Variants in ZFHX3 observed in about 807,000 individuals in gnomAD.
ZFHX3 encodes zinc finger homeobox 3, also known as zinc finger homeobox protein 3.
In ZFHX3, 42 loss-of-function variants were observed where a neutral mutation model predicts 279.1. That is an observed-to-expected ratio of 0.15 (90% CI 0.12 to 0.19). The LOEUF is 0.19. Ranked by LOEUF, ZFHX3 falls within the 10% of genes least tolerant of loss-of-function variation. The probability of loss-of-function intolerance (pLI) is 1.00; values close to 1 mark genes in which losing one functional copy is unlikely to be tolerated. For synonymous variants in ZFHX3, 2,293 were observed against 1,957.8 expected, an observed-to-expected ratio of 1.17 and a Z score of -4.52; for missense variants, 4,981 against 4,754.0, an observed-to-expected ratio of 1.05 and a Z score of -1.40.
chr16:72,803,710 C>T (rs1005618349), intron 7 of ZFHX3, among the ~76,000 whole-genome samples: 5 of 152,276 alleles, frequency 3.3e-5, no homozygotes, highest in South Asian at 4.2e-4. Flanking sequence ...TTGATTATTC[C>T]GATAATCCAT....
chr16:73,398,853 G>C (rs2017186185), intron 3 of ZFHX3, among the ~76,000 whole-genome samples: 1 of 78,608 alleles, frequency 1.3e-5, no homozygotes, highest in South Asian at 3.5e-4. Flanking sequence ...ATAAGTGGCA[G>C]TGGTTTTTTT....
At chr16:72,790,908 C>G (rs138273691) in intron 9 of ZFHX3, 2 of 152,204 alleles carry the variant, frequency 1.3e-5, no homozygotes, top group South Asian at 4.1e-4. Flanking sequence ...GTGTCTTCAA[C>G]TGATGGTCTA....
chr16:73,583,408 AG>A (rs1368725776), intron 2 of ZFHX3, among the ~76,000 whole-genome samples: 1 of 152,236 alleles, frequency 6.6e-6, no homozygotes. Context: ...TAGTGTAGTA[AG>A]AATAGGGCAT....
At chr16:73,622,791 T>C (rs1228846759) in intron 2 of ZFHX3, among the ~76,000 whole-genome samples, 5 of 152,152 alleles carry the variant, frequency 3.3e-5, no homozygotes, top group Non-Finnish European at 7.3e-5. Context: ...CCCTGAAGTC[T>C]ATGGCTCATT....
intron 2 of ZFHX3, among the ~76,000 whole-genome samples, chr16:73,542,819 T>A (rs796847487): frequency 2.0e-5 from 3 of 152,152 alleles, no homozygotes; most frequent in Non-Finnish European, 4.4e-5. Context: ...TTAATTGGCA[T>A]GTTGTATTTT....
intron 2 of ZFHX3, among the ~76,000 whole-genome samples, chr16:73,667,914 C>T (rs2052861732): frequency 1.3e-5 from 2 of 152,316 alleles, no homozygotes; most frequent in Middle Eastern, 3.4e-3. Context: ...GTTCAAGTGC[C>T]ACCTTCTCTT....
At position 73,853,894 on chromosome 16, in the gene ZFHX3, T is replaced by C. The variant is rs77586866; in HGVS notation, c.-1608+37757A>G. 7.2e-5 allele frequency among the ~76,000 whole-genome samples: 11 copies of C among 152,182 alleles called. No individual in the cohort carries two copies. In the East Asian group the frequency reaches 2.1e-3, roughly 29 times the overall value. On this transcript the variant is annotated intron_variant, in intron 1 of 17. Coordinates refer to the ZFHX3 transcript ENST00000641206. ...GTGAAGATCTTCACAAGTGATCCTA[T>C]TGTTGTAAGTGACAATAGGTTCTCC...
chr16:73,504,118 G>C (rs186168277), intron 2 of ZFHX3: 2 of 152,080 alleles, frequency 1.3e-5, no homozygotes, highest in Admixed American at 1.3e-4. Context: ...CCATACTACC[G>C]CCATTTCTCT....
intron 1 of ZFHX3, among the ~76,000 whole-genome samples, chr16:73,745,667 C>T (rs2053697140): frequency 6.6e-6 from 1 of 152,170 alleles, no homozygotes; most frequent in African/African-American, 2.4e-5. Context: ...GAAAACCTTT[C>T]TTTTTACCAT....
chr16:73,620,817 G>A (rs941255128), intron 2 of ZFHX3, among the ~76,000 whole-genome samples: 1 of 152,198 alleles, frequency 6.6e-6, no homozygotes, highest in Non-Finnish European at 1.5e-5. Context: ...TTTCAAAACA[G>A]GTCAACATTC....
chr16:73,764,431 G>C (rs960982528), intron 1 of ZFHX3, among the ~76,000 whole-genome samples: 1 of 152,140 alleles, frequency 6.6e-6, no homozygotes, highest in Non-Finnish European at 1.5e-5. Flanking sequence ...CCATCACAAA[G>C]AAAGACTGCA....
intron 5 of ZFHX3, among the ~76,000 whole-genome samples, chr16:73,145,408 G>C (rs1242264284): frequency 6.6e-6 from 1 of 152,190 alleles, no homozygotes; most frequent in Non-Finnish European, 1.5e-5. Flanking sequence ...TCAAATTGCT[G>C]GGCTAAAAGA....
intron 5 of ZFHX3, among the ~76,000 whole-genome samples, chr16:73,241,744 C>T (rs1027581062): frequency 4.6e-5 from 6 of 130,602 alleles, no homozygotes; most frequent in African/African-American, 8.9e-5. Context: ...GAAGCAAGAT[C>T]GTGCCATTGC....
chr16:72,787,155 C>A lies in ZFHX3; in HGVS notation c.*9G>T. ...AAATTCATTTGTTTGTATTGTTCATCTTCAAAGCTTACAATCTGAAGGTGT... is the reference window on the plus strand; with the variant it reads ...AAATTCATTTGTTTGTATTGTTCATATTCAAAGCTTACAATCTGAAGGTGT... On this transcript the variant is annotated 3_prime_UTR_variant, in exon 10 of 10. Coordinates refer to ENST00000268489, the MANE Select transcript of ZFHX3 (RefSeq NM_006885.4). The A allele has an allele frequency of 2.0e-6, 3 of 1,470,870 alleles. No homozygotes were observed. The highest frequency in any genetic ancestry group is 1.8e-6 in the Non-Finnish European group (2 of 1,103,646). 91.1% of individuals were successfully genotyped at this position (1,470,870 alleles called of 1,614,324 possible). A position where few individuals can be genotyped will look rare whatever the true frequency, so the allele number is the denominator to read the frequency against.
intron 4 of ZFHX3, among the ~76,000 whole-genome samples, chr16:72,887,862 A>C (rs1272318020): frequency 6.6e-6 from 1 of 151,842 alleles, no homozygotes; most frequent in African/African-American, 2.4e-5. Context: ...GGATGCAGAG[A>C]AAGTGTATGT....
chr16:73,737,168 G>T (rs2053616683), intron 1 of ZFHX3, among the ~76,000 whole-genome samples: 1 of 152,014 alleles, frequency 6.6e-6, no homozygotes, highest in Admixed American at 6.6e-5. Flanking sequence ...GAAGTAGCTG[G>T]GATTACAGGC....
intron 2 of ZFHX3, among the ~76,000 whole-genome samples, chr16:73,544,342 G>A (rs910931253): frequency 1.3e-5 from 2 of 152,164 alleles, no homozygotes; most frequent in Admixed American, 1.3e-4. Flanking sequence ...TAAGGAGGGG[G>A]GCCCTCCCCG....
intron 7 of ZFHX3, among the ~76,000 whole-genome samples, chr16:72,801,889 C>G (rs568854040): frequency 6.7e-6 from 1 of 149,192 alleles, no homozygotes; most frequent in Admixed American, 6.8e-5. Context: ...AGGGGGAGCA[C>G]GAGGTTGGGG....
intron 3 of ZFHX3, among the ~76,000 whole-genome samples, chr16:73,409,350 C>T (rs1219919360): frequency 6.6e-6 from 1 of 152,130 alleles, no homozygotes; most frequent in African/African-American, 2.4e-5. Flanking sequence ...CTGGGGACAG[C>T]CATGCCTTGG....
Sources: gnomAD v4.1 joint callset for allele counts (sites outside exome capture counted in the v4.1 genomes callset) on GRCh38, gnomAD v4.1.1 for gene constraint, MANE v1.5 for transcripts, NCBI Gene and HGNC (gene_info 2026-07-23, HGNC 2026-07-21) for gene names.